Variants in NCOR1 observed in about 807,000 individuals in gnomAD.
The protein encoded by NCOR1 is protein phosphatase 1, regulatory subunit 109.
In NCOR1, 63 loss-of-function variants were observed where a neutral mutation model predicts 288.1. The observed-to-expected ratio is 0.22, with a 90% CI of 0.18 to 0.27. The LOEUF is 0.27. Ranked by LOEUF, NCOR1 falls within the 10% of genes least tolerant of loss-of-function variation. The pLI, the probability that NCOR1 is intolerant of heterozygous loss-of-function variation, is 1.00. For synonymous variants in NCOR1, 1,007 were observed against 1,065.9 expected, an observed-to-expected ratio of 0.94 and a Z score of 1.08; for missense variants, 2,397 against 3,019.2, an observed-to-expected ratio of 0.79 and a Z score of 4.83.
chr17:16,126,543 T>C (rs1568185007), intron 14 of NCOR1, among the ~76,000 whole-genome samples: 2 of 152,188 alleles, frequency 1.3e-5, no homozygotes, highest in Non-Finnish European at 1.5e-5. Context: ...ACCTTAAAAT[T>C]TGATAACCCA....
At chr17:16,202,016 A>G (rs2090879028) in intron 1 of NCOR1, among the ~76,000 whole-genome samples, 1 of 151,928 alleles carries the variant, frequency 6.6e-6, no homozygotes, top group Admixed American at 6.6e-5. Flanking sequence ...CATGAGGTCA[A>G]GAGTTCAAGA....
intron 3 of NCOR1, among the ~76,000 whole-genome samples, chr17:16,181,224 T>TAC (rs1406878905): frequency 7.6e-5 from 11 of 144,610 alleles, no homozygotes; most frequent in African/African-American, 2.3e-4. Flanking sequence ...TGTGTGTGTG[T>TAC]GTGTGTGTGT....
At chr17:16,075,100 C>T (rs1386156663) in intron 27 of NCOR1, among the ~76,000 whole-genome samples, 2 of 152,148 alleles carry the variant, frequency 1.3e-5, no homozygotes, top group African/African-American at 2.4e-5. Context: ...GATCTCCTGA[C>T]CTTGTGATCC....
chr17:16,035,027 T>TG (rs1973934704), intron 44 of NCOR1, 83 bp from the exon 45 acceptor site: 2 of 1,342,958 alleles, frequency 1.5e-6, no homozygotes. Flanking sequence ...TATTGCTAAA[T>TG]GAAAAAAAAG....
At chr17:16,196,592 A>G (rs1305575966) in intron 1 of NCOR1, among the ~76,000 whole-genome samples, 1 of 151,870 alleles carries the variant, frequency 6.6e-6, no homozygotes, top group Non-Finnish European at 1.5e-5. Flanking sequence ...TTGGGAGGCC[A>G]AGGCGGGTGG....
At chr17:16,098,827 C>T in intron 20 of NCOR1, 1 of 167,702 alleles carries the variant, frequency 6.0e-6, no homozygotes, top group East Asian at 1.7e-4. Flanking sequence ...AAAAAGAAAC[C>T]TAATACTGAC....
chr17:16,064,667 A>G (rs1464560272), intron 34 of NCOR1, among the ~76,000 whole-genome samples: 1 of 152,186 alleles, frequency 6.6e-6, no homozygotes, highest in Non-Finnish European at 1.5e-5. Flanking sequence ...AGAGTCCTGG[A>G]TAAGAACTGA....
At position 16,119,492 on chromosome 17, in the gene NCOR1, TA is replaced by T. The variant is rs1568141568; in HGVS notation, c.1853-8del. 2 of 1,588,528 alleles carry T rather than the reference TA, an allele frequency of 1.3e-6. No individual in the cohort carries two copies. The highest frequency in any genetic ancestry group is 2.2e-5 in the East Asian group (1 of 44,586). On this transcript the variant is annotated splice_polypyrimidine_tract_variant and splice_region_variant and intron_variant, in intron 16 of 45. Transcript: ENST00000268712. The stretch of plus-strand genomic sequence containing the variant: ...TCCACAGGCTCTGTAGAAACTAAAA[TA>T]AAGAGAGAACCCAATCAGGCAGAGA...
intron 44 of NCOR1, among the ~76,000 whole-genome samples, chr17:16,036,698 T>A (rs996811416): frequency 5.9e-5 from 9 of 152,210 alleles, no homozygotes; most frequent in Non-Finnish European, 1.3e-4. Context: ...TTCTCATCTG[T>A]GGCTTCCTCG....
Position 16,092,668 on chromosome 17 carries a change from TATATATATATATATATATATATATATA to T in NCOR1, c.2821-637_2821-611del, listed in dbSNP as rs1567957381. Among the ~76,000 whole-genome samples, 19 of 14,322 alleles carry T rather than the reference TATATATATATATATATATATATATATA, an allele frequency of 1.3e-3. 1 individual carries two copies. Among genetic ancestry groups the T allele is most frequent in the Admixed American group, 4.2e-3 (6 of 1,424 alleles). 9.4% of individuals were successfully genotyped at this position (14,322 alleles called of 152,430 possible). A position where few individuals can be genotyped will look rare whatever the true frequency, so the allele number is the denominator to read the frequency against. On this transcript the variant is annotated intron_variant, in intron 21 of 45. Transcript: ENST00000268712. ...CCATTTATATATATATATATATATA[TATATATATATATATATATATATATATA>T]TTTTTTTTTTTTTTTTTTTTTAAGA...
intron 2 of NCOR1, among the ~76,000 whole-genome samples, chr17:16,188,400 A>T (rs891162787): frequency 1.1e-4 from 16 of 151,630 alleles, no homozygotes; most frequent in African/African-American, 3.6e-4. Flanking sequence ...TCACAAGGTC[A>T]GGAGTTTGAG....
Position 16,080,499 on chromosome 17 carries a change from G to C in NCOR1, c.3309C>G (p.Pro1103=). 1.2e-6 allele frequency: 2 copies of C among 1,614,082 alleles called. No homozygotes were observed. The highest frequency in any genetic ancestry group is 8.5e-7 in the Non-Finnish European group (1 of 1,180,002). Residue 1103 remains proline, a synonymous_variant, in exon 25 of 46, where the codon CCC becomes CCG. Coordinates refer to ENST00000268712, the MANE Select transcript of NCOR1 (RefSeq NM_006311.4). ...QQESAKSATL[P]YIKQEEFSPR... ...GAGAAAATTCTTCCTGCTTGATGTA[G>C]GGCAAAGTAGCTGTGGAAAGGCAGA...
chr17:16,158,194 G>A (rs980248927), intron 6 of NCOR1, among the ~76,000 whole-genome samples: 4 of 152,062 alleles, frequency 2.6e-5, no homozygotes, highest in East Asian at 1.9e-4. Flanking sequence ...GGCTGGTCTC[G>A]AACTCCTGAC....
intron 14 of NCOR1, among the ~76,000 whole-genome samples, chr17:16,131,755 G>C (rs1403576716): frequency 6.6e-6 from 1 of 152,214 alleles, no homozygotes; most frequent in Non-Finnish European, 1.5e-5. Flanking sequence ...TTCCTGAAGA[G>C]TGAAAGCTGT....
At chr17:16,213,403 G>A (rs1363406845) in intron 1 of NCOR1, among the ~76,000 whole-genome samples, 1 of 142,526 alleles carries the variant, frequency 7.0e-6, no homozygotes, top group Non-Finnish European at 1.5e-5. Context: ...TGAGGCAGAA[G>A]AATTGCTTGA....
chr17:16,043,390 A>G (rs910034753), intron 42 of NCOR1, among the ~76,000 whole-genome samples: 1 of 152,166 alleles, frequency 6.6e-6, no homozygotes, highest in Admixed American at 6.5e-5. Context: ...CCACCATGAA[A>G]AATAGTTCTT....
At chr17:16,187,363 A>T (rs1028608538) in intron 2 of NCOR1, among the ~76,000 whole-genome samples, 1 of 152,028 alleles carries the variant, frequency 6.6e-6, no homozygotes, top group African/African-American at 2.4e-5. Flanking sequence ...AACCTAGTAC[A>T]CAATTTTTCA....
At chr17:16,177,747 T>C (rs2084515248) in intron 3 of NCOR1, among the ~76,000 whole-genome samples, 2 of 152,138 alleles carry the variant, frequency 1.3e-5, no homozygotes, top group Admixed American at 1.3e-4. Context: ...ATCCCAACTG[T>C]CCTTTCTGCA....
chr17:16,165,115 G>C lies in NCOR1; in HGVS notation c.482C>G (p.Ser161Trp), dbSNP rs765365064. 6.2e-7 allele frequency: 1 copy of C among 1,608,872 alleles called. No homozygotes were observed. The highest frequency in any genetic ancestry group is 1.3e-5 in the African/African-American group (1 of 74,670). Residue 161 changes from serine to tryptophan, a missense_variant, in exon 5 of 46, where the codon TCG becomes TGG. This residue lies in a region of NCOR1 where 110 missense variants were observed against 123.2 expected (regional missense o/e 0.89). Coordinates refer to ENST00000268712, the MANE Select transcript of NCOR1 (RefSeq NM_006311.4). ...TTGATCATCTCCACATGGTTGCCCC[G>C]AAATTGGAGAGGATGGAGCTTCATG... is the stretch of plus-strand genomic sequence containing the variant. ...GKHEAPSSPISGQPCGDDQNA... is the reference protein window; with the variant it reads ...GKHEAPSSPIWGQPCGDDQNA...
Sources: allele counts gnomAD v4.1 joint callset (sites outside exome capture counted in the v4.1 genomes callset), GRCh38; gene constraint gnomAD v4.1.1; regional missense constraint gnomAD v4.1.1; transcripts MANE v1.5; gene names NCBI Gene and HGNC (gene_info 2026-07-23, HGNC 2026-07-21).